The following ADAMTS14 variants were observed in gnomAD, a reference collection of about 807,000 sequenced individuals.
ADAMTS14 encodes the protein ADAM metallopeptidase with thrombospondin type 1 motif 14, also known as A disintegrin and metalloproteinase with thrombospondin motifs 14.
ADAMTS14 carries 100 observed loss-of-function variants against 128.6 expected under a neutral mutation model. The ratio of observed to expected loss-of-function variants is 0.78; its 90% CI spans 0.66 to 0.92. ADAMTS14 has a LOEUF of 0.92. ADAMTS14 is among the 40% of genes least tolerant of loss of function. ADAMTS14 has a pLI of 0.00. For synonymous variants in ADAMTS14, 665 were observed against 653.8 expected (o/e 1.02, Z -0.26); for missense variants, 1,562 against 1,658.6 (o/e 0.94, Z 1.01).
chr10:70,716,378 C>T (rs1047731617), intron 4 of ADAMTS14, among the ~76,000 whole-genome samples: 2 of 152,160 alleles, frequency 1.3e-5, no homozygotes, highest in East Asian at 1.9e-4. Context: ...AGATGGACTG[C>T]GGCTTAAAGG....
At chr10:70,728,520 G>A (rs893605623) in intron 4 of ADAMTS14, among the ~76,000 whole-genome samples, 1 of 152,238 alleles carries the variant, frequency 6.6e-6, no homozygotes, top group Admixed American at 6.5e-5. Context: ...CTTTCCTTTA[G>A]GGTGGACAAG....
intron 2 of ADAMTS14, among the ~76,000 whole-genome samples, chr10:70,680,488 C>T (rs1839770424): frequency 6.6e-6 from 1 of 152,162 alleles, no homozygotes; most frequent in Non-Finnish European, 1.5e-5. Context: ...AGGTGGTGTT[C>T]GTAATTCCAA....
intron 4 of ADAMTS14, among the ~76,000 whole-genome samples, chr10:70,726,913 G>A (rs1263280491): frequency 6.6e-6 from 1 of 152,236 alleles, no homozygotes; most frequent in Non-Finnish European, 1.5e-5. Context: ...CCTGCTGCTC[G>A]TTGGACTATG....
chr10:70,729,427 G>A (rs1224748125), intron 5 of ADAMTS14, 50 bp downstream of exon 5: 2 of 1,490,358 alleles, frequency 1.3e-6, no homozygotes, highest in Non-Finnish European at 1.9e-6. Context: ...GGGTTGTGGG[G>A]CCAGAGTGTT....
intron 2 of ADAMTS14, among the ~76,000 whole-genome samples, chr10:70,678,557 T>C (rs1037402659): frequency 2.0e-5 from 3 of 150,184 alleles, no homozygotes; most frequent in African/African-American, 4.9e-5. Flanking sequence ...AGGAGCACCA[T>C]GTCAGGTGGG....
At chr10:70,727,847 G>T (rs1355922441) in intron 4 of ADAMTS14, among the ~76,000 whole-genome samples, 4 of 152,186 alleles carry the variant, frequency 2.6e-5, no homozygotes, top group Admixed American at 6.5e-5. Flanking sequence ...TGTAATCCCA[G>T]CACTTTGGGA....
In ADAMTS14 at chr10:70,702,369, C is replaced by T; in HGVS notation, c.580C>T (p.Gln194Ter). The change falls in exon 3 of 22, where the codon CAG becomes TAG. Residue 194 changes from glutamine to a stop codon, truncating the protein, a stop_gained. Coordinates refer to ENST00000373207, the MANE Select transcript of ADAMTS14 (RefSeq NM_080722.4). LOFTEE classifies it high-confidence loss of function. ...CTTCATTGAGCCTCTGGAGCGGGGC[C>T]AGCAGGAGAAGGAGGCCAGCGGGAG... ...DFFIEPLERG[Q>*]QEKEASGRTH... The T allele has an allele frequency of 6.2e-7, 1 of 1,614,184 alleles. No homozygotes were observed. The highest frequency in any genetic ancestry group is 8.5e-7 in the Non-Finnish European group (1 of 1,180,032).
intron 10 of ADAMTS14, among the ~76,000 whole-genome samples, chr10:70,737,032 G>A (rs1841849435): frequency 6.6e-6 from 1 of 152,172 alleles, no homozygotes; most frequent in Non-Finnish European, 1.5e-5. Flanking sequence ...AATTGGCTGA[G>A]GGTAGCATGA....
At chr10:70,705,951 G>A (rs996254904) in intron 3 of ADAMTS14, among the ~76,000 whole-genome samples, 1 of 152,210 alleles carries the variant, frequency 6.6e-6, no homozygotes, top group Non-Finnish European at 1.5e-5. Context: ...ACTTAGCAGT[G>A]GAATTACTGG....
In ADAMTS14 at chr10:70,674,722, C is replaced by A. The variant is rs760936209; in HGVS notation, c.249C>A (p.Leu83=). ...CACTACCACGACACTCCAGTCACCT[C>A]CGGGTGGCTCGCAGCCCTCTGCACC... The part of the protein sequence containing the change: ...PPTLPRHSSH[L]RVARSPLHPG... The change falls in exon 2 of 22, where the codon CTC becomes CTA. Residue 83 remains leucine, a synonymous_variant. Transcript: ENST00000373207. 2 of 1,613,492 alleles carry A rather than the reference C, an allele frequency of 1.2e-6. No homozygotes were observed. The highest frequency in any genetic ancestry group is 1.7e-6 in the Non-Finnish European group (2 of 1,180,008).
At chr10:70,732,628 T>A (rs1198859223) in intron 7 of ADAMTS14, among the ~76,000 whole-genome samples, 1 of 152,228 alleles carries the variant, frequency 6.6e-6, no homozygotes, top group Non-Finnish European at 1.5e-5. Flanking sequence ...GGGGACCAGA[T>A]GTGGCCCTGC....
In ADAMTS14 at chr10:70,708,686, A is replaced by G. The variant is rs1242876772; in HGVS notation, c.778A>G (p.Ser260Gly). ...KRRHAKPGSY[S>G]IEVLLVVDDS... is the part of the protein sequence containing the mutation. ...GCGGCATGCCAAGCCAGGCAGCTAC[A>G]GCATCGAGGTGCTGCTGGTGGTGGA... Residue 260 changes from serine (S) to glycine (G), a missense_variant, in exon 4 of 22, where the codon AGC becomes GGC. Coordinates refer to ENST00000373207, the MANE Select transcript of ADAMTS14 (RefSeq NM_080722.4). 1.2e-6 allele frequency: 2 copies of G among 1,612,726 alleles called. No homozygotes were observed. The highest frequency in any genetic ancestry group is 3.3e-5 in the Admixed American group (2 of 59,950).
At chr10:70,749,764 G>A in intron 15 of ADAMTS14, 58 bp from the exon 16 acceptor site, 1 of 1,576,012 alleles carries the variant, frequency 6.3e-7, no homozygotes, top group Non-Finnish European at 8.6e-7. Context: ...CATATTCATG[G>A]CCCGCCCCCT....
chr10:70,742,859 G>A (rs980409246), intron 12 of ADAMTS14, among the ~76,000 whole-genome samples: 1 of 152,214 alleles, frequency 6.6e-6, no homozygotes, highest in Non-Finnish European at 1.5e-5. Context: ...GGACCAGAAA[G>A]GACTCTCTTT....
In ADAMTS14 at chr10:70,690,918, A is replaced by T. The variant is rs927966990; in HGVS notation, c.523-11394A>T. ...TGGCTGCTTCCAGGACTCAGGGCCA[A>T]GCAGGGGCCAGGCAGAGCTCCTTCG... is the stretch of plus-strand genomic sequence containing the variant. On this transcript the variant is annotated intron_variant, in intron 2 of 21. Transcript: ENST00000373207. Among the ~76,000 whole-genome samples the T allele has an allele frequency of 3.4e-4, 49 of 145,086 alleles. 1 individual carries two copies. The highest frequency in any genetic ancestry group is 1.2e-3 in the African/African-American group (49 of 41,062).
chr10:70,751,962 G>A, intron 17 of ADAMTS14, 133 bp from the exon 18 acceptor site: 1 of 1,324,110 alleles, frequency 7.6e-7, no homozygotes, highest in East Asian at 2.5e-5. Flanking sequence ...AAGTGACGTG[G>A]GCAGGCGGGG....
rs1589316267 is a variant in ADAMTS14, at chr10:70,735,373, A to C, written c.1485+72A>C. 4 of 1,560,542 alleles carry C rather than the reference A, an allele frequency of 2.6e-6. No individual in the cohort carries two copies. In the East Asian group the frequency reaches 9.1e-5, roughly 36 times the overall value. ...TGTCCTTCTGTGGCCCATGCTGACC[A>C]TTCATGAGGTGCCTTCTGCCCAGCT... On this transcript the variant is annotated intron_variant, in intron 9 of 21. Coordinates refer to ENST00000373207, the MANE Select transcript of ADAMTS14 (RefSeq NM_080722.4).
chr10:70,678,908 G>A (rs535088046), intron 2 of ADAMTS14, among the ~76,000 whole-genome samples: 16 of 152,070 alleles, frequency 1.1e-4, no homozygotes, highest in Non-Finnish European at 1.6e-4. Context: ...CTACATTGTG[G>A]TTAATTCATG....
chr10:70,746,663 A>G (rs1272502106), intron 15 of ADAMTS14, among the ~76,000 whole-genome samples: 2 of 152,188 alleles, frequency 1.3e-5, no homozygotes, highest in African/African-American at 2.4e-5. Flanking sequence ...AAAATAAACA[A>G]TCAGCTAGGC....
Sources: allele counts gnomAD v4.1 joint callset (sites outside exome capture counted in the v4.1 genomes callset), GRCh38; gene constraint gnomAD v4.1.1; transcripts MANE v1.5; gene names NCBI Gene and HGNC (gene_info 2026-07-23, HGNC 2026-07-21).